Variants in SAMD13 observed in about 807,000 individuals in gnomAD.
The protein encoded by SAMD13 is sterile alpha motif domain-containing protein 13.
SAMD13 carries 9 observed loss-of-function variants against 12.4 expected under a neutral mutation model. The ratio of observed to expected loss-of-function variants is 0.72; its 90% confidence interval spans 0.44 to 1.26. The LOEUF is 1.26. SAMD13 is among the 50% of genes most tolerant of loss of function. The pLI is 0.00. For synonymous variants in SAMD13, 46 were observed against 45.4 expected (o/e 1.01, Z -0.05); for missense variants, 84 against 119.6 (o/e 0.70, Z 1.39).
chr1:84,315,303 A>G (rs1678809113), intron 2 of SAMD13, among the ~76,000 whole-genome samples: 2 of 152,048 alleles, frequency 1.3e-5, no homozygotes, highest in Non-Finnish European at 2.9e-5. Context: ...CTATGAGTTT[A>G]TTTTAGATAC....
At chr1:84,312,216 T>G (rs1300056657) in intron 2 of SAMD13, among the ~76,000 whole-genome samples, 1 of 152,140 alleles carries the variant, frequency 6.6e-6, no homozygotes, top group Admixed American at 6.5e-5. Flanking sequence ...AGATTCTGTT[T>G]TAAATCATAT....
upstream of SAMD13, chr1:84,298,630 T>C: frequency 7.9e-7 from 1 of 1,258,622 alleles, no homozygotes; most frequent in East Asian, 3.0e-5. Flanking sequence ...CTCTCCAGGA[T>C]GAAAGGAAAC....
chr1:84,319,624 G>GAAA (rs57599932), intron 2 of SAMD13, among the ~76,000 whole-genome samples: 1,478 of 77,768 alleles, frequency 0.019, 16 homozygotes, highest in Non-Finnish European at 0.036. Flanking sequence ...GACAGGAAAA[G>GAAA]AAAAAAAAAA....
At chr1:84,331,328 TAAAAAAAAAAAA>T (rs1178046260) in intron 3 of SAMD13, among the ~76,000 whole-genome samples, 4 of 15,182 alleles carry the variant, frequency 2.6e-4, no homozygotes, top group African/African-American at 8.6e-4. Context: ...CCCTCCTTGG[TAAAAAAAAAAAA>T]AAAAAAAAAA....
At chr1:84,336,251 A>G (rs1249098818) in intron 3 of SAMD13, among the ~76,000 whole-genome samples, 1 of 151,842 alleles carries the variant, frequency 6.6e-6, no homozygotes, top group Non-Finnish European at 1.5e-5. Flanking sequence ...TTCTTTTTAA[A>G]TTTTTTTCTT....
intron 3 of SAMD13, among the ~76,000 whole-genome samples, chr1:84,334,054 G>A (rs1251564872): frequency 6.6e-6 from 1 of 152,060 alleles, no homozygotes; most frequent in Admixed American, 6.6e-5. Flanking sequence ...GTATCAAAAT[G>A]ATTTTGGCCT....
intron 3 of SAMD13, among the ~76,000 whole-genome samples, chr1:84,345,583 G>T (rs977403064): frequency 2.0e-5 from 3 of 152,182 alleles, no homozygotes; most frequent in African/African-American, 7.2e-5. Flanking sequence ...TCAGCGCAGA[G>T]CCCGACCTTC....
chr1:84,329,703 T>C (rs887171497), intron 3 of SAMD13, among the ~76,000 whole-genome samples: 2 of 152,240 alleles, frequency 1.3e-5, no homozygotes, highest in Non-Finnish European at 2.9e-5. Flanking sequence ...TCAAATTCTC[T>C]TCTGGCAATC....
chr1:84,307,068 A>G (rs1467537888), intron 2 of SAMD13, among the ~76,000 whole-genome samples: 1 of 151,922 alleles, frequency 6.6e-6, no homozygotes, highest in Non-Finnish European at 1.5e-5. Flanking sequence ...GGTTTCTAAG[A>G]TCTGTGCCTG....
chr1:84,325,573 G>T (rs1679039476), intron 2 of SAMD13, 64 bp from the exon 3 acceptor site: 3 of 974,710 alleles, frequency 3.1e-6, no homozygotes, highest in Non-Finnish European at 4.9e-6. Context: ...AGACCCATTT[G>T]TGAGCCTGGC....
chr1:84,336,153 T>A (rs532304310), intron 3 of SAMD13, among the ~76,000 whole-genome samples: 25 of 152,316 alleles, frequency 1.6e-4, no homozygotes, highest in African/African-American at 5.1e-4. Context: ...CGAAGTTGCT[T>A]GCTTTCTTGC....
intron 3 of SAMD13, among the ~76,000 whole-genome samples, chr1:84,338,515 C>T (rs1010748361): frequency 1.3e-5 from 2 of 149,006 alleles, no homozygotes; most frequent in Admixed American, 1.4e-4. Flanking sequence ...TCAGCTCACT[C>T]CAACCTCTGC....
At chr1:84,298,626 A>G, upstream of SAMD13, 4 of 1,260,510 alleles carry the variant, frequency 3.2e-6, no homozygotes, top group Non-Finnish European at 4.0e-6. Context: ...TCCTCTCTCC[A>G]GGATGAAAGG....
chr1:84,299,489 A>G (rs116523295), upstream of SAMD13: 3,334 of 600,326 alleles, frequency 5.6e-3, 19 homozygotes, highest in Middle Eastern at 0.013. Context: ...ACCCCCACAC[A>G]CCACATACAC....
At chr1:84,330,727 T>C (rs539369510) in intron 3 of SAMD13, among the ~76,000 whole-genome samples, 128 of 152,290 alleles carry the variant, frequency 8.4e-4, no homozygotes, top group African/African-American at 3.1e-3. Context: ...TTCTATGTCT[T>C]TGTCTGTTTG....
chr1:84,346,773 T>A (rs2101822753), intron 3 of SAMD13, among the ~76,000 whole-genome samples: 1 of 152,334 alleles, frequency 6.6e-6, no homozygotes, highest in Non-Finnish European at 1.5e-5. Flanking sequence ...ATCAAGGAAC[T>A]TTCCTGTGTG....
chr1:84,329,097 T>G (rs1679122128), intron 3 of SAMD13, among the ~76,000 whole-genome samples: 1 of 151,938 alleles, frequency 6.6e-6, no homozygotes, highest in South Asian at 2.1e-4. Flanking sequence ...TAGGTTTAGA[T>G]GAGGTCATGA....
At chr1:84,320,805 A>G (rs981575521) in intron 2 of SAMD13, among the ~76,000 whole-genome samples, 9 of 152,226 alleles carry the variant, frequency 5.9e-5, no homozygotes, top group Non-Finnish European at 1.2e-4. Context: ...TATGTTAACC[A>G]GTGTCTAAAG....
At chr1:84,332,631 C>A (rs1255049791) in intron 3 of SAMD13, among the ~76,000 whole-genome samples, 3 of 152,052 alleles carry the variant, frequency 2.0e-5, no homozygotes, top group Admixed American at 6.6e-5. Context: ...GAATATTAAA[C>A]CTTTGTTGGA....
Sources: gnomAD v4.1 joint callset for allele counts (sites outside exome capture counted in the v4.1 genomes callset) on GRCh38, gnomAD v4.1.1 for gene constraint, MANE v1.5 for transcripts, NCBI Gene and HGNC (gene_info 2026-07-23, HGNC 2026-07-21) for gene names.